The following ADCY10 variants were observed in gnomAD, a reference collection of about 807,000 sequenced individuals.
ADCY10 encodes adenylate cyclase type 10.
ADCY10 carries 156 observed loss-of-function variants against 183.3 expected under a neutral mutation model. The ratio of observed to expected loss-of-function variants is 0.85; its 90% confidence interval spans 0.75 to 0.97. ADCY10 has a LOEUF of 0.97. Ranked by LOEUF, ADCY10 falls within the 50% of genes least tolerant of loss-of-function variation. ADCY10 has a pLI of 0.00. For missense variants in ADCY10, 1,745 were observed against 1,934.3 expected (o/e 0.90, Z 1.84); for synonymous variants, 645 against 670.0 (o/e 0.96, Z 0.58).
Position 167,823,098 on chromosome 1 carries a change from C to G in ADCY10, c.4078G>C (p.Gly1360Arg). The G allele has an allele frequency of 6.2e-7, 1 of 1,614,128 alleles. No individual in the cohort carries two copies. The highest frequency in any genetic ancestry group is 8.5e-7 in the Non-Finnish European group (1 of 1,180,034). ...GTTACAGAAAGCTCCCACAGCCGCCCCAGCACCTGGATCAATTGCGGGTAT... is the reference window on the plus strand; with the variant it reads ...GTTACAGAAAGCTCCCACAGCCGCCGCAGCACCTGGATCAATTGCGGGTAT... ...SRYPQLIQVL[G>R]RLWELSVTQE... The change falls in exon 29 of 33, where the codon GGG becomes CGG. Residue 1360 changes from glycine to arginine, a missense_variant. By Grantham distance (125) the Gly-to-Arg change is moderately radical. Transcript: ENST00000367851.
At chr1:167,854,651 A>C (rs1418886798) in intron 17 of ADCY10, among the ~76,000 whole-genome samples, 162 bp from the exon 18 acceptor site, 1 of 151,494 alleles carries the variant, frequency 6.6e-6, no homozygotes, top group Non-Finnish European at 1.5e-5. Flanking sequence ...TTTTTATTTC[A>C]CTCATGTGTG....
chr1:167,824,335 A>G, intron 28 of ADCY10, 141 bp downstream of exon 28: 2 of 775,704 alleles, frequency 2.6e-6, no homozygotes, highest in East Asian at 2.5e-5. Flanking sequence ...AAAAGAAAAA[A>G]GGGTGACTAC....
chr1:167,859,784 T>C, intron 16 of ADCY10, 23 bp downstream of exon 16: 1 of 1,592,836 alleles, frequency 6.3e-7, no homozygotes, highest in South Asian at 1.1e-5. Flanking sequence ...TCCCCCTACT[T>C]CTTGACCCAC....
chr1:167,834,166 G>T, intron 23 of ADCY10, 89 bp from the exon 24 acceptor site: 1 of 934,056 alleles, frequency 1.1e-6, no homozygotes, highest in Admixed American at 1.9e-5. Flanking sequence ...ACTGAAGTAA[G>T]AGATGCAGGA....
chr1:167,862,862 T>G (rs1666377697), intron 14 of ADCY10, among the ~76,000 whole-genome samples: 1 of 152,216 alleles, frequency 6.6e-6, no homozygotes, highest in Admixed American at 6.5e-5. Flanking sequence ...TGAGTCACCA[T>G]CATTATTGTC....
intron 12 of ADCY10, 97 bp downstream of exon 12, chr1:167,878,349 G>C (rs1571379578): frequency 7.1e-7 from 1 of 1,404,234 alleles, no homozygotes; most frequent in East Asian, 2.3e-5. Flanking sequence ...TCAACTTTTT[G>C]AACTGGCTCC....
intron 31 of ADCY10, among the ~76,000 whole-genome samples, chr1:167,813,299 A>G (rs1662330463): frequency 1.3e-5 from 2 of 152,246 alleles, no homozygotes; most frequent in South Asian, 4.1e-4. Flanking sequence ...GATCATGAGC[A>G]GATTTCTCAT....
At chr1:167,905,746 G>T (rs927888598) in intron 1 of ADCY10, among the ~76,000 whole-genome samples, 1 of 152,088 alleles carries the variant, frequency 6.6e-6, no homozygotes, top group African/African-American at 2.4e-5. Context: ...AAATGTGTGT[G>T]TGTGTGTGTG....
chr1:167,911,662 T>C (rs551367961), intron 1 of ADCY10, among the ~76,000 whole-genome samples: 36 of 152,328 alleles, frequency 2.4e-4, no homozygotes, highest in Admixed American at 7.2e-4. Context: ...CAGTGTACTC[T>C]CGTGGCAAAA....
At chr1:167,893,591 G>A (rs772200288) in intron 8 of ADCY10, among the ~76,000 whole-genome samples, 12 of 151,268 alleles carry the variant, frequency 7.9e-5, no homozygotes, top group Non-Finnish European at 1.3e-4. Flanking sequence ...GCGCATGTGG[G>A]AGGCTGAGGC....
intron 29 of ADCY10, 38 bp downstream of exon 29, chr1:167,822,970 C>T: frequency 1.3e-6 from 2 of 1,578,332 alleles, no homozygotes; most frequent in Non-Finnish European, 1.7e-6. Flanking sequence ...CAGGTATCAA[C>T]ACCCCCAAGT....
chr1:167,833,917 G>T, intron 24 of ADCY10, 53 bp downstream of exon 24: 1 of 1,391,136 alleles, frequency 7.2e-7, no homozygotes, highest in Non-Finnish European at 1.0e-6. Flanking sequence ...CTACTTCTAT[G>T]GAAAGGCCTA....
chr1:167,835,449 A>G (rs1664125833), intron 23 of ADCY10, among the ~76,000 whole-genome samples: 2 of 152,244 alleles, frequency 1.3e-5, no homozygotes, highest in Admixed American at 6.5e-5. Context: ...CCTCATTTCT[A>G]TGGGCATAGT....
chr1:167,839,534 T>C (rs1664462579), intron 21 of ADCY10, among the ~76,000 whole-genome samples: 1 of 152,210 alleles, frequency 6.6e-6, no homozygotes, highest in African/African-American at 2.4e-5. Flanking sequence ...TAAGCCACAC[T>C]AGCTAGGTCC....
At chr1:167,859,479 G>C (rs1666137328) in intron 16 of ADCY10, among the ~76,000 whole-genome samples, 1 of 152,086 alleles carries the variant, frequency 6.6e-6, no homozygotes, top group East Asian at 1.9e-4. Context: ...TAGGCCTGGG[G>C]GTTCAAACCT....
At chr1:167,911,226 A>G (rs1292994398) in intron 1 of ADCY10, among the ~76,000 whole-genome samples, 1 of 152,258 alleles carries the variant, frequency 6.6e-6, no homozygotes, top group Non-Finnish European at 1.5e-5. Context: ...AGTAAAGTAG[A>G]GGTTCCTCTT....
At chr1:167,850,662 C>CATGT in intron 18 of ADCY10, among the ~76,000 whole-genome samples, 1 of 87,922 alleles carries the variant, frequency 1.1e-5, no homozygotes, top group East Asian at 3.9e-4. Flanking sequence ...AAAAGGGGGC[C>CATGT]GTGTGTGTGT....
intron 21 of ADCY10, among the ~76,000 whole-genome samples, chr1:167,837,788 A>G (rs932467356): frequency 3.9e-5 from 6 of 152,242 alleles, no homozygotes; most frequent in African/African-American, 1.4e-4. Flanking sequence ...AATAAAAACT[A>G]TGAATTAAAC....
chr1:167,831,489 C>G (rs1663735048), intron 25 of ADCY10, among the ~76,000 whole-genome samples: 1 of 152,200 alleles, frequency 6.6e-6, no homozygotes, highest in South Asian at 2.1e-4. Flanking sequence ...CCACAACACC[C>G]AGCCCTGGGT....
Sources: gnomAD v4.1 joint callset for allele counts (sites outside exome capture counted in the v4.1 genomes callset) on GRCh38, gnomAD v4.1.1 for gene constraint, MANE v1.5 for transcripts, NCBI Gene and HGNC (gene_info 2026-07-23, HGNC 2026-07-21) for gene names.